CUL1: variants seen among roughly 807,000 people sequenced by gnomAD.
CUL1 encodes the protein cullin-1.
In CUL1, 24 loss-of-function variants were observed where a neutral mutation model predicts 118.0. The ratio of observed to expected loss-of-function variants is 0.20; its 90% CI spans 0.15 to 0.29. The LOEUF is 0.29. CUL1 is among the 10% of genes least tolerant of loss of function. CUL1 has a pLI of 1.00. For synonymous variants in CUL1, 332 were observed against 340.4 expected (o/e 0.98, Z 0.27); for missense variants, 361 against 933.8 (o/e 0.39, Z 7.99).
At position 148,764,753 on chromosome 7, in the gene CUL1, T is replaced by G. The variant is rs7810339; in HGVS notation, c.790-1808T>G. On this transcript the variant is annotated intron_variant, in intron 7 of 21. Transcript: ENST00000325222. ...AAGCAGCATTTATTGTTTTAAAATA[T>G]CTTTATAATCAGAAAAACAAAATTA... Among the ~76,000 whole-genome samples, 990 of 152,320 alleles carry G rather than the reference T, an allele frequency of 6.5e-3. 17 individuals are homozygous for G. Among genetic ancestry groups the G allele is most frequent in the African/African-American group, 0.022 (931 of 41,574 alleles).
Position 148,730,117 on chromosome 7 carries a change from C to T in CUL1, c.-6C>T, listed in dbSNP as rs757528555. 5.0e-6 allele frequency: 8 copies of T among 1,611,828 alleles called. No homozygotes were observed. Among genetic ancestry groups the T allele is most frequent in the African/African-American group, 1.3e-5 (1 of 74,796 alleles). ...TGCACTGGACGACTTTAGAACATCC[C>T]TCACAATGTCGTCAACCCGGAGCCA... On this transcript the variant is annotated 5_prime_UTR_variant, in exon 2 of 22. Coordinates refer to ENST00000325222, the MANE Select transcript of CUL1 (RefSeq NM_003592.3).
At chr7:148,720,384 G>T (rs1332660580) in intron 1 of CUL1, among the ~76,000 whole-genome samples, 1 of 152,098 alleles carries the variant, frequency 6.6e-6, no homozygotes, top group East Asian at 1.9e-4. Context: ...GAAGGAGATA[G>T]AATTCATAGA....
intron 1 of CUL1, among the ~76,000 whole-genome samples, chr7:148,727,493 A>T (rs888916803): frequency 1.3e-5 from 2 of 152,130 alleles, no homozygotes; most frequent in East Asian, 1.9e-4. Flanking sequence ...CAGGCTCTGT[A>T]TGAGGTTCTC....
chr7:148,731,562 TA>T (rs1563153005), intron 2 of CUL1, among the ~76,000 whole-genome samples: 1 of 152,224 alleles, frequency 6.6e-6, no homozygotes, highest in Non-Finnish European at 1.5e-5. Context: ...TTCAACCTTT[TA>T]AAAAGTATAC....
At position 148,728,244 on chromosome 7, in the gene CUL1, AT is replaced by A. The variant is rs1798649524; in HGVS notation, c.-161-1715del. ...ACGGACAACACTGATGGAGAAAGGCATTTGGGGGCCAGAGTAGAACTTTTTT... is the reference window on the plus strand; with the variant it reads ...ACGGACAACACTGATGGAGAAAGGCATTGGGGGCCAGAGTAGAACTTTTTT... On this transcript the variant is annotated intron_variant, in intron 1 of 21. Transcript: ENST00000325222. 9.9e-5 allele frequency among the ~76,000 whole-genome samples: 15 copies of A among 152,042 alleles called. No individual in the cohort carries two copies. The South Asian group carries it at 2.9e-3, about 29-fold the overall frequency.
At chr7:148,791,364 CT>C (rs1400904667) in intron 16 of CUL1, among the ~76,000 whole-genome samples, 4 of 152,202 alleles carry the variant, frequency 2.6e-5, no homozygotes, top group African/African-American at 9.7e-5. Flanking sequence ...TTAATTTAAA[CT>C]TTTCGTAAAT....
intron 1 of CUL1, among the ~76,000 whole-genome samples, chr7:148,728,726 C>T (rs1371121238): frequency 3.9e-5 from 6 of 152,164 alleles, no homozygotes; most frequent in Admixed American, 1.3e-4. Flanking sequence ...TATTAAGACC[C>T]ATAGCCCAGA....
chr7:148,725,219 G>GCGCGCACGCACACA, intron 1 of CUL1, among the ~76,000 whole-genome samples: 1 of 140,060 alleles, frequency 7.1e-6, no homozygotes, highest in Non-Finnish European at 1.5e-5. Context: ...ACACGCGCGC[G>GCGCGCACGCACACA]CTCACACACA....
At position 148,783,809 on chromosome 7, in the gene CUL1, G is replaced by C. The variant is rs754327387; in HGVS notation, c.1110G>C (p.Val370=). ...ACCCCAAAATGTATGTACAGACAGT[G>C]CTTGATGTTCATAAAAAATACAATG... The part of the protein sequence containing the change: ...LNDPKMYVQT[V]LDVHKKYNAL... The change falls in exon 10 of 22, where the codon GTG becomes GTC. Residue 370 remains valine, a synonymous_variant. Transcript: ENST00000325222. 2 of 1,614,148 alleles carry C rather than the reference G, an allele frequency of 1.2e-6. No homozygotes were observed. Among genetic ancestry groups the C allele is most frequent in the East Asian group, 4.5e-5 (2 of 44,886 alleles).
chr7:148,734,321 C>CTCT (rs1381429085), intron 2 of CUL1, among the ~76,000 whole-genome samples: 1 of 152,200 alleles, frequency 6.6e-6, no homozygotes, highest in Non-Finnish European at 1.5e-5. Flanking sequence ...GTTCATGGCT[C>CTCT]TCTACAGCCT....
chr7:148,709,377 C>G (rs76150421), intron 1 of CUL1, among the ~76,000 whole-genome samples: 1,542 of 152,234 alleles, frequency 0.01, 27 homozygotes, highest in African/African-American at 0.035. Context: ...TTGATGTGTA[C>G]ATTTTATTTT....
chr7:148,789,975 G>GCTCTT, intron 15 of CUL1, 149 bp downstream of exon 15: 1 of 759,088 alleles, frequency 1.3e-6, no homozygotes, highest in Non-Finnish European at 2.2e-6. Context: ...TCAGGGAAGA[G>GCTCTT]CCCTGTGCAG....
chr7:148,727,688 G>A (rs926355461), intron 1 of CUL1, among the ~76,000 whole-genome samples: 1 of 152,112 alleles, frequency 6.6e-6, no homozygotes, highest in African/African-American at 2.4e-5. Context: ...TGAAGAAGGG[G>A]AGGAACTCTC....
intron 14 of CUL1, among the ~76,000 whole-genome samples, chr7:148,789,256 G>T (rs1440787418): frequency 6.6e-6 from 1 of 152,178 alleles, no homozygotes; most frequent in Non-Finnish European, 1.5e-5. Flanking sequence ...TTTGCCAGTG[G>T]GCTTTTTAAC....
chr7:148,759,718 T>A (rs565723169), intron 6 of CUL1, 80 bp downstream of exon 6: 8 of 634,698 alleles, frequency 1.3e-5, no homozygotes, highest in Admixed American at 3.3e-5. Flanking sequence ...ATGTCATTTT[T>A]AAAATATTTT....
chr7:148,776,613 G>A (rs895081316), intron 9 of CUL1, among the ~76,000 whole-genome samples: 6 of 151,924 alleles, frequency 3.9e-5, no homozygotes, highest in Non-Finnish European at 4.4e-5. Context: ...CACCACGTCC[G>A]GCCGAGGCTG....
chr7:148,751,421 G>A (rs938912838), intron 2 of CUL1, among the ~76,000 whole-genome samples: 3 of 150,528 alleles, frequency 2.0e-5, no homozygotes, highest in East Asian at 3.9e-4. Flanking sequence ...GGTGGCAGGC[G>A]CCCGTAATCA....
At chr7:148,750,294 C>CTTT (rs370284482) in intron 2 of CUL1, among the ~76,000 whole-genome samples, 6 of 142,908 alleles carry the variant, frequency 4.2e-5, no homozygotes, top group African/African-American at 1.3e-4. Context: ...CCACCTAGGA[C>CTTT]TTTTTTTTTT....
chr7:148,736,414 C>A (rs942323404), intron 2 of CUL1, among the ~76,000 whole-genome samples: 7 of 152,124 alleles, frequency 4.6e-5, no homozygotes, highest in African/African-American at 1.2e-4. Flanking sequence ...TTCCACCCCC[C>A]ACCCCACCTC....
Sources: allele counts gnomAD v4.1 joint callset (sites outside exome capture counted in the v4.1 genomes callset), GRCh38; gene constraint gnomAD v4.1.1; transcripts MANE v1.5; gene names NCBI Gene and HGNC (gene_info 2026-07-23, HGNC 2026-07-21).